GLRA2: variants seen among roughly 807,000 people sequenced by gnomAD.
The protein encoded by GLRA2 is glycine receptor alpha 2.
GLRA2 carries 11 observed loss-of-function variants against 31.6 expected under a neutral mutation model. That is an observed-to-expected ratio of 0.35 (90% CI 0.22 to 0.58). The LOEUF (loss-of-function observed/expected upper bound fraction) is 0.58, where lower values mean the gene tolerates loss of function less well. Among genes scored for constraint, GLRA2 ranks in the 20% least tolerant of loss-of-function variants. The pLI is 0.84. For missense variants in GLRA2, 212 were observed against 351.8 expected (o/e 0.60, Z 3.18); for synonymous variants, 132 against 134.0 (o/e 0.99, Z 0.10).
At chrX:14,700,018 A>C (rs2091516100) in intron 8 of GLRA2, among the ~76,000 whole-genome samples, 1 of 111,363 alleles carries the variant, frequency 9.0e-6, no homozygotes, top group African/African-American at 3.3e-5. Context: ...AGGTAAAACT[A>C]ATGGGTACTA....
chrX:14,576,830 C>G (rs2089963845), intron 3 of GLRA2, among the ~76,000 whole-genome samples: 1 of 112,337 alleles, frequency 8.9e-6, no homozygotes, highest in Non-Finnish European at 1.9e-5. Context: ...ACATACACAG[C>G]CTGTCTATTC....
chrX:14,702,297 T>A (rs1243064545), intron 8 of GLRA2, among the ~76,000 whole-genome samples: 4 of 111,736 alleles, frequency 3.6e-5, no homozygotes, highest in Admixed American at 2.8e-4. Context: ...TGTGGAAACA[T>A]CACTCTATAT....
the GLRA2 span, among the ~76,000 whole-genome samples, chrX:14,487,562 C>T: frequency 1.8e-5 from 2 of 111,293 alleles, no homozygotes; most frequent in East Asian, 5.6e-4. Flanking sequence ...CATCAAGTGC[C>T]AGCATGAGCC....
intron 5 of GLRA2, among the ~76,000 whole-genome samples, chrX:14,605,515 T>G (rs1308846581): frequency 9.0e-6 from 1 of 111,567 alleles, no homozygotes; most frequent in Non-Finnish European, 1.9e-5. Flanking sequence ...TCTTACATGA[T>G]TCCTTCTTTC....
chrX:14,584,206 G>A (rs1034171169), intron 4 of GLRA2, among the ~76,000 whole-genome samples: 1 of 111,571 alleles, frequency 9.0e-6, no homozygotes, highest in African/African-American at 3.3e-5. Flanking sequence ...CCTAAAATCA[G>A]CGTTTAGAAA....
chrX:14,669,205 C>A (rs926248604), intron 7 of GLRA2, among the ~76,000 whole-genome samples: 7 of 112,327 alleles, frequency 6.2e-5, no homozygotes, highest in Non-Finnish European at 1.3e-4. Context: ...GACTCTGATG[C>A]AAGAGATGGG....
At chrX:14,548,222 A>G (rs780046704) in intron 2 of GLRA2, among the ~76,000 whole-genome samples, 84 of 111,217 alleles carry the variant, frequency 7.6e-4, no homozygotes, top group Admixed American at 2.8e-3. Context: ...GACAAACACT[A>G]CCTTTCCTTA....
At chrX:14,578,905 T>C (rs2065687449) in intron 3 of GLRA2, among the ~76,000 whole-genome samples, 1 of 112,035 alleles carries the variant, frequency 8.9e-6, no homozygotes, top group Non-Finnish European at 1.9e-5. Context: ...GACATATGGA[T>C]GCTGGAACAC....
At chrX:14,540,678 C>T (rs771130107) in intron 2 of GLRA2, among the ~76,000 whole-genome samples, 9 of 111,205 alleles carry the variant, frequency 8.1e-5, no homozygotes, top group Non-Finnish European at 1.5e-4. Flanking sequence ...AGTAAGCCTT[C>T]TTTGATCAGT....
chrX:14,451,237 A>C, the GLRA2 span, among the ~76,000 whole-genome samples: 1 of 111,459 alleles, frequency 9.0e-6, no homozygotes, highest in Non-Finnish European at 1.9e-5. Flanking sequence ...CTATACAATC[A>C]TGACTATAAA....
At chrX:14,722,282 T>A (rs1188660036) in intron 8 of GLRA2, among the ~76,000 whole-genome samples, 1 of 111,272 alleles carries the variant, frequency 9.0e-6, no homozygotes, top group Non-Finnish European at 1.9e-5. Context: ...TGGGCAGGCA[T>A]CATTCTTTCT....
At chrX:14,562,653 T>A (rs2089748379) in intron 2 of GLRA2, among the ~76,000 whole-genome samples, 1 of 112,146 alleles carries the variant, frequency 8.9e-6, no homozygotes, top group African/African-American at 3.2e-5. Flanking sequence ...TTGAGACTTC[T>A]CTCCCTGGCT....
intron 2 of GLRA2, among the ~76,000 whole-genome samples, chrX:14,554,767 A>T (rs748283386): frequency 5.4e-5 from 6 of 112,043 alleles, no homozygotes; most frequent in Non-Finnish European, 1.1e-4. Flanking sequence ...AGATAAAAAT[A>T]TTGAAATAAA....
chrX:14,512,815 A>G, the GLRA2 span, among the ~76,000 whole-genome samples: 1 of 112,053 alleles, frequency 8.9e-6, no homozygotes, highest in Non-Finnish European at 1.9e-5. Context: ...GGTAGAATCA[A>G]TATTGTGAAA....
intron 8 of GLRA2, among the ~76,000 whole-genome samples, chrX:14,691,312 T>C (rs866095775): frequency 1.6e-4 from 13 of 79,717 alleles, no homozygotes; most frequent in Non-Finnish European, 2.2e-4. Flanking sequence ...TGTGTGTGTG[T>C]GTGTGTGTGT....
At chrX:14,533,804 C>G (rs1247381990) in intron 2 of GLRA2, among the ~76,000 whole-genome samples, 1 of 110,738 alleles carries the variant, frequency 9.0e-6, no homozygotes, top group East Asian at 2.8e-4. Flanking sequence ...TACATGAATA[C>G]TTTTACTATT....
chrX:14,727,829 A>G (rs1228265464), intron 8 of GLRA2, among the ~76,000 whole-genome samples: 1 of 111,766 alleles, frequency 8.9e-6, no homozygotes, highest in Non-Finnish European at 1.9e-5. Context: ...ATATGATAAT[A>G]CCTTTAGTTT....
the GLRA2 span, among the ~76,000 whole-genome samples, chrX:14,486,460 G>T: frequency 9.0e-6 from 1 of 111,409 alleles, no homozygotes; most frequent in Admixed American, 9.5e-5. Flanking sequence ...CACAAATAGG[G>T]AGAAGATATT....
chrX:14,687,537 G>A (rs775502528), intron 7 of GLRA2, among the ~76,000 whole-genome samples: 7 of 110,963 alleles, frequency 6.3e-5, no homozygotes, highest in Non-Finnish European at 1.1e-4. Flanking sequence ...TTCTCTTCTC[G>A]CTTCATTTCA....
Sources: gnomAD v4.1 joint callset for allele counts (sites outside exome capture counted in the v4.1 genomes callset) on GRCh38, gnomAD v4.1.1 for gene constraint, MANE v1.5 for transcripts, NCBI Gene and HGNC (gene_info 2026-07-23, HGNC 2026-07-21) for gene names.